Variants in FILIP1 observed in about 807,000 individuals in gnomAD.
FILIP1 encodes the protein filamin-A-interacting protein 1.
FILIP1 carries 61 observed loss-of-function variants against 102.1 expected under a neutral mutation model. That is an observed-to-expected ratio of 0.60 (90% CI 0.49 to 0.74). The LOEUF is 0.74. FILIP1 is among the 30% of genes least tolerant of loss of function. FILIP1 has a pLI of 0.00. For missense variants in FILIP1, 1,314 were observed against 1,441.2 expected (o/e 0.91, Z 1.43); for synonymous variants, 491 against 526.9 (o/e 0.93, Z 0.93).
intron 6 of FILIP1, among the ~76,000 whole-genome samples, chr6:75,300,276 G>A (rs1772802440): frequency 6.6e-6 from 1 of 152,184 alleles, no homozygotes; most frequent in South Asian, 2.1e-4. Context: ...ACAGGAAGCT[G>A]TACACCAAGT....
Position 75,313,501 on chromosome 6 carries a change from C to T in FILIP1, c.2331G>A (p.Glu777=). ...GAGCTCTGCTGTAGCGCTTGGAAAGCTCCAACTCTTTGGTCAGATTGAGAA... is the reference window on the plus strand; with the variant it reads ...GAGCTCTGCTGTAGCGCTTGGAAAGTTCCAACTCTTTGGTCAGATTGAGAA... ...QEVLNLTKEL[E]LSKRYSRALR... The change falls in exon 5 of 6, where the codon GAG becomes GAA. Residue 777 remains glutamate (E), a synonymous_variant. Transcript: ENST00000237172. The surrounding 1 kb of genome is among the most constrained non-coding windows in gnomAD (Gnocchi z 4.2). 1 of 1,614,212 alleles carries T rather than the reference C, an allele frequency of 6.2e-7. No individual in the cohort carries two copies. The highest frequency in any genetic ancestry group is 1.7e-5 in the Admixed American group (1 of 60,024).
At chr6:75,493,304 T>C (rs962467945) in intron 1 of FILIP1, 110 bp downstream of exon 1, 2 of 152,234 alleles carry the variant, frequency 1.3e-5, no homozygotes, top group Non-Finnish European at 2.9e-5. Context: ...TATCACATCA[T>C]AGAACAGGAA....
At chr6:75,454,108 T>C (rs943146106) in intron 1 of FILIP1, 1 of 435,954 alleles carries the variant, frequency 2.3e-6, no homozygotes, top group Non-Finnish European at 4.6e-6. Context: ...AATCAAGGTG[T>C]TTCAGGGATG....
intron 4 of FILIP1, among the ~76,000 whole-genome samples, chr6:75,335,150 A>G (rs1774200734): frequency 6.6e-6 from 1 of 152,222 alleles, no homozygotes; most frequent in East Asian, 1.9e-4. Context: ...CTAATCTATG[A>G]TTCAGCCAAC....
At chr6:75,331,729 A>C (rs1407164877) in intron 4 of FILIP1, among the ~76,000 whole-genome samples, 1 of 152,030 alleles carries the variant, frequency 6.6e-6, no homozygotes, top group African/African-American at 2.4e-5. Flanking sequence ...ACTCTATTTC[A>C]GCTCCCATTC....
intron 2 of FILIP1, among the ~76,000 whole-genome samples, chr6:75,363,906 T>C (rs982073219): frequency 2.6e-5 from 4 of 152,202 alleles, no homozygotes; most frequent in African/African-American, 7.2e-5. Flanking sequence ...TCTCCTATAT[T>C]GATGCTAACT....
At chr6:75,439,582 A>G (rs1274125611) in intron 1 of FILIP1, among the ~76,000 whole-genome samples, 1 of 152,256 alleles carries the variant, frequency 6.6e-6, no homozygotes, top group African/African-American at 2.4e-5. Flanking sequence ...GAGATGAATC[A>G]AACAGCTCAG....
At chr6:75,349,041 T>C (rs1389855135) in intron 4 of FILIP1, among the ~76,000 whole-genome samples, 4 of 152,226 alleles carry the variant, frequency 2.6e-5, no homozygotes, top group Non-Finnish European at 5.9e-5. Context: ...AGTAGTGGCC[T>C]GCACTGTGTG....
chr6:75,401,836 T>C (rs1776670051), intron 2 of FILIP1, among the ~76,000 whole-genome samples: 4 of 152,216 alleles, frequency 2.6e-5, no homozygotes. Flanking sequence ...ACCAGTTATC[T>C]GTACAAACTA....
intron 2 of FILIP1, among the ~76,000 whole-genome samples, chr6:75,414,182 T>C (rs1433113721): frequency 6.6e-6 from 1 of 151,292 alleles, no homozygotes; most frequent in African/African-American, 2.4e-5. Flanking sequence ...TCCTATGATG[T>C]TGTAGAATAT....
chr6:75,399,433 G>A (rs1457736231), intron 2 of FILIP1: 1 of 152,142 alleles, frequency 6.6e-6, no homozygotes, highest in Non-Finnish European at 1.5e-5. Flanking sequence ...TAAGACAATA[G>A]CAGCACATTA....
intron 1 of FILIP1, among the ~76,000 whole-genome samples, chr6:75,479,387 T>C (rs917133742): frequency 6.6e-6 from 1 of 152,228 alleles, no homozygotes; most frequent in Non-Finnish European, 1.5e-5. Context: ...TAGTGTCAAC[T>C]TCCTCATACC....
At chr6:75,361,859 T>C (rs1582396157) in intron 3 of FILIP1, 2 of 152,242 alleles carry the variant, frequency 1.3e-5, no homozygotes, top group South Asian at 4.1e-4. Flanking sequence ...TAGGAAAAGA[T>C]GAGAATAGAG....
intron 2 of FILIP1, among the ~76,000 whole-genome samples, chr6:75,401,313 C>A (rs1041217995): frequency 1.3e-5 from 2 of 152,138 alleles, no homozygotes; most frequent in African/African-American, 2.4e-5. Context: ...ATTCTGATCG[C>A]CTTCCTTTCT....
At chr6:75,315,339 C>T (rs374036208) in intron 4 of FILIP1, 137 bp from the exon 5 acceptor site, 1 of 602,544 alleles carries the variant, frequency 1.7e-6, no homozygotes, top group South Asian at 3.1e-5. Flanking sequence ...AAAGAATAGC[C>T]ATTAATGAAA....
In FILIP1 at chr6:75,414,733, G is replaced by A. The variant is rs765069686; in HGVS notation, c.240C>T (p.Leu80=). ...KKSLELSKED[L]IQLLSIMEGE... ...CTTCCATTATACTGAGTAGTTGGATGAGGTCTTCTTTGGATAACTCCAGGG... is the reference window on the plus strand; with the variant it reads ...CTTCCATTATACTGAGTAGTTGGATAAGGTCTTCTTTGGATAACTCCAGGG... The change falls in exon 2 of 6, where the codon CTC becomes CTT. Residue 80 remains leucine (L), a synonymous_variant. Coordinates refer to ENST00000237172, the MANE Select transcript of FILIP1 (RefSeq NM_015687.5). 3.7e-6 allele frequency: 6 copies of A among 1,613,804 alleles called. No individual in the cohort carries two copies. In the Admixed American group the frequency reaches 8.3e-5, roughly 22 times the overall value.
At chr6:75,394,831 T>C (rs1176105267) in intron 2 of FILIP1, among the ~76,000 whole-genome samples, 1 of 152,204 alleles carries the variant, frequency 6.6e-6, no homozygotes, top group Non-Finnish European at 1.5e-5. Flanking sequence ...ACCAGGCCTA[T>C]GAAGGGCAAC....
chr6:75,299,066 T>G (rs928633666), intron 6 of FILIP1, among the ~76,000 whole-genome samples: 2 of 151,536 alleles, frequency 1.3e-5, no homozygotes, highest in African/African-American at 2.4e-5. Flanking sequence ...ATGCCATTAT[T>G]TGTGTAAAAA....
intron 4 of FILIP1, among the ~76,000 whole-genome samples, chr6:75,340,312 G>T (rs1774378206): frequency 6.6e-6 from 1 of 152,008 alleles, no homozygotes; most frequent in African/African-American, 2.4e-5. Context: ...AACCACAACT[G>T]TTATATGGAT....
Sources: gnomAD v4.1 joint callset for allele counts (sites outside exome capture counted in the v4.1 genomes callset) on GRCh38, gnomAD v4.1.1 for gene constraint, Gnocchi (gnomAD v3.1) non-coding constraint, MANE v1.5 for transcripts, NCBI Gene and HGNC (gene_info 2026-07-23, HGNC 2026-07-21) for gene names.